Variants in PDE11A observed in about 807,000 individuals in gnomAD.
The protein encoded by PDE11A is dual 3',5'-cyclic-AMP and -GMP phosphodiesterase 11A.
In PDE11A, 100 loss-of-function variants were observed where a neutral mutation model predicts 100.5. The ratio of observed to expected loss-of-function variants is 1.00; its 90% confidence interval spans 0.85 to 1.18. The LOEUF (loss-of-function observed/expected upper bound fraction) is 1.18. Among genes scored for constraint, PDE11A ranks in the 50% most tolerant of loss-of-function variants. PDE11A has a pLI of 0.00. For missense variants in PDE11A, 1,141 were observed against 1,152.6 expected (o/e 0.99, Z 0.15); for synonymous variants, 381 against 420.8 (o/e 0.91, Z 1.16).
At chr2:177,884,429 T>C (rs1371389953) in intron 4 of PDE11A, among the ~76,000 whole-genome samples, 1 of 152,218 alleles carries the variant, frequency 6.6e-6, no homozygotes, top group East Asian at 1.9e-4. Flanking sequence ...CCAGATGAAA[T>C]GATCTTCATT....
rs751602560 is a variant in PDE11A at position 177,840,349 on chromosome 2, C to T, written c.1402G>A (p.Asp468Asn). ...GCAATGCTGTTATTTATTAGCCAGT[C>T]GGAGTATGATGATTTCTCCATGCTT... is the stretch of plus-strand genomic sequence containing the variant. Reference protein sequence around the residue: ...KESMEKSSYSDWLINNSIAEL... With the variant: ...KESMEKSSYSNWLINNSIAEL... The change falls in exon 6 of 20, where the codon GAC becomes AAC. Residue 468 changes from aspartate to asparagine, a missense_variant. Physicochemically the swap from Asp to Asn is conservative, Grantham distance 23 (BLOSUM62 1). Transcript: ENST00000286063. The T allele has an allele frequency of 3.3e-5, 53 of 1,613,298 alleles. No individual in the cohort carries two copies. The highest frequency in any genetic ancestry group is 4.3e-5 in the Non-Finnish European group (51 of 1,179,486).
chr2:177,791,664 G>A (rs1015495560), intron 9 of PDE11A, among the ~76,000 whole-genome samples: 14 of 152,008 alleles, frequency 9.2e-5, no homozygotes, highest in African/African-American at 3.1e-4. Flanking sequence ...TCAGGGTTGT[G>A]TTTGATAGAT....
Position 177,732,779 on chromosome 2 carries a change from G to A in PDE11A, c.1789-4607C>T, listed in dbSNP as rs185810556. Among the ~76,000 whole-genome samples, 352 of 152,158 alleles carry A rather than the reference G, an allele frequency of 2.3e-3. 2 individuals carry two copies. The highest frequency in any genetic ancestry group is 0.01 in the Middle Eastern group (3 of 294). On this transcript the variant is annotated intron_variant, in intron 10 of 19. Coordinates refer to ENST00000286063, the MANE Select transcript of PDE11A (RefSeq NM_016953.4). ...CTTTTTTTCCCCTAATAGGTTGATT[G>A]ATCCATGGTTAAATCATACCGGTGT...
intron 10 of PDE11A, among the ~76,000 whole-genome samples, chr2:177,766,209 T>C (rs930570536): frequency 6.6e-6 from 1 of 152,176 alleles, no homozygotes; most frequent in Admixed American, 6.5e-5. Flanking sequence ...CATCAGGCAT[T>C]GGATTCTCAT....
intron 2 of PDE11A, chr2:177,927,123 T>G (rs2085135930): frequency 6.6e-6 from 1 of 152,206 alleles, no homozygotes; most frequent in Admixed American, 6.5e-5. Context: ...TTCGCACAAG[T>G]GACCCTGACC....
chr2:177,893,597 CT>C (rs997222524), intron 4 of PDE11A, among the ~76,000 whole-genome samples: 1 of 152,126 alleles, frequency 6.6e-6, no homozygotes, highest in African/African-American at 2.4e-5. Context: ...TGATATCAAT[CT>C]TTTTTTCCTG....
At chr2:177,732,464 A>G (rs1358216365) in intron 10 of PDE11A, among the ~76,000 whole-genome samples, 1 of 152,188 alleles carries the variant, frequency 6.6e-6, no homozygotes, top group Non-Finnish European at 1.5e-5. Flanking sequence ...GAATTGGCAA[A>G]GGAGGCTGAA....
At chr2:177,940,402 T>G (rs2085332483) in intron 2 of PDE11A, among the ~76,000 whole-genome samples, 1 of 152,200 alleles carries the variant, frequency 6.6e-6, no homozygotes, top group Non-Finnish European at 1.5e-5. Flanking sequence ...TTTGAAAAAG[T>G]ACATGAAATG....
chr2:177,938,379 A>G (rs13008780), intron 2 of PDE11A, among the ~76,000 whole-genome samples: 13,164 of 152,178 alleles, frequency 0.087, 543 homozygotes, highest in South Asian at 0.099. Flanking sequence ...TGCCATGCCT[A>G]CCAGTCTAAA....
intron 19 of PDE11A, among the ~76,000 whole-genome samples, chr2:177,630,983 A>G (rs2079909968): frequency 6.6e-6 from 1 of 152,158 alleles, no homozygotes; most frequent in Non-Finnish European, 1.5e-5. Context: ...TTCCCTTCAC[A>G]GTTATTTTAT....
At chr2:177,876,264 G>A (rs2084239406) in intron 4 of PDE11A, among the ~76,000 whole-genome samples, 1 of 152,184 alleles carries the variant, frequency 6.6e-6, no homozygotes, top group Admixed American at 6.5e-5. Flanking sequence ...CCAATCAACA[G>A]CAATAAGAGA....
At chr2:178,001,194 G>C (rs1481408252) in intron 2 of PDE11A, among the ~76,000 whole-genome samples, 1 of 151,714 alleles carries the variant, frequency 6.6e-6, no homozygotes, top group African/African-American at 2.4e-5. Flanking sequence ...CATTTAAGAA[G>C]AAAAGAAAAC....
At chr2:177,818,305 A>G (rs565739644) in intron 7 of PDE11A, among the ~76,000 whole-genome samples, 1,338 of 99,560 alleles carry the variant, frequency 0.013, 13 homozygotes, top group East Asian at 0.069. Context: ...ATATATATAT[A>G]TGTGTGTATA....
intron 2 of PDE11A, chr2:177,997,281 A>T: frequency 9.0e-7 from 1 of 1,114,556 alleles, no homozygotes; most frequent in Non-Finnish European, 1.4e-6. Context: ...TCATAATTAA[A>T]GTTGCCCAAA....
intron 1 of PDE11A, among the ~76,000 whole-genome samples, chr2:178,023,933 A>C (rs1017799490): frequency 6.6e-6 from 1 of 152,194 alleles, no homozygotes; most frequent in Admixed American, 6.5e-5. Context: ...CATACATAGG[A>C]ATAGAACAGA....
chr2:177,869,765 C>T (rs1386863679), intron 5 of PDE11A, among the ~76,000 whole-genome samples: 1 of 152,190 alleles, frequency 6.6e-6, no homozygotes, highest in Non-Finnish European at 1.5e-5. Flanking sequence ...TTTTGACCAC[C>T]TGACACCATG....
chr2:177,691,791 G>A (rs1357288939), intron 15 of PDE11A, among the ~76,000 whole-genome samples: 2 of 152,018 alleles, frequency 1.3e-5, no homozygotes, highest in East Asian at 3.9e-4. Flanking sequence ...ATGCTTGGGG[G>A]CCACTGTTGA....
chr2:177,805,415 A>G (rs2082855255), intron 9 of PDE11A, among the ~76,000 whole-genome samples: 1 of 152,056 alleles, frequency 6.6e-6, no homozygotes, highest in African/African-American at 2.4e-5. Flanking sequence ...CCAGTGCCCA[A>G]CCCAATGCTT....
intron 10 of PDE11A, among the ~76,000 whole-genome samples, chr2:177,740,676 GC>G (rs1574096308): frequency 6.6e-6 from 1 of 152,186 alleles, no homozygotes; most frequent in East Asian, 1.9e-4. Flanking sequence ...TCATTTGAAT[GC>G]CTCTTAGCTT....
Sources: allele counts gnomAD v4.1 joint callset (sites outside exome capture counted in the v4.1 genomes callset), GRCh38; gene constraint gnomAD v4.1.1; transcripts MANE v1.5; gene names NCBI Gene and HGNC (gene_info 2026-07-23, HGNC 2026-07-21).